UCKL1: variants seen among roughly 807,000 people sequenced by gnomAD.
UCKL1 encodes uridine-cytidine kinase 1 like 1, also known as uridine-cytidine kinase-like 1.
UCKL1 carries 65 observed loss-of-function variants against 59.2 expected under a neutral mutation model. The observed-to-expected ratio is 1.10, with a 90% CI of 0.90 to 1.35. UCKL1 has a LOEUF of 1.35. UCKL1 is among the 40% of genes most tolerant of loss of function. The pLI, the probability that UCKL1 is intolerant of heterozygous loss-of-function variation, is 0.00. For synonymous variants in UCKL1, 410 were observed against 323.1 expected, an observed-to-expected ratio of 1.27 and a Z score of -2.88; for missense variants, 703 against 784.3, an observed-to-expected ratio of 0.90 and a Z score of 1.24.
In UCKL1 at chr20:63,944,532, C is replaced by G. The variant is rs767138408; in HGVS notation, c.844+13G>C. On this transcript the variant is annotated intron_variant, in intron 6 of 14. Coordinates refer to ENST00000354216, the MANE Select transcript of UCKL1 (RefSeq NM_017859.4). The stretch of plus-strand genomic sequence containing the variant: ...GCCCGACACCCACCCAACAGGCAGC[C>G]CAGCAGGCTCACCTCTGGGGACCAC... 1.9e-6 allele frequency: 3 copies of G among 1,604,006 alleles called. No homozygotes were observed. Among genetic ancestry groups the G allele is most frequent in the Non-Finnish European group, 2.6e-6 (3 of 1,175,730 alleles).
At chr20:63,946,864 G>A (rs1263819829) in intron 1 of UCKL1, among the ~76,000 whole-genome samples, 2 of 151,978 alleles carry the variant, frequency 1.3e-5, no homozygotes, top group East Asian at 3.9e-4. Context: ...GATCATTTGA[G>A]GTCAGGAGTT....
intron 1 of UCKL1, among the ~76,000 whole-genome samples, chr20:63,947,348 G>A (rs1036111871): frequency 2.6e-5 from 4 of 152,230 alleles, no homozygotes; most frequent in Non-Finnish European, 4.4e-5. Context: ...AATGGACCAC[G>A]TTCCCTTGCA....
chr20:63,946,259 C>T lies in UCKL1; in HGVS notation c.313G>A (p.Gly105Ser). ...GTGGTCTTCCCAGAGGCACTGCCGC[C>T]TCCCAAGCCTGCCGGCGGGAGTGGA... Reference protein sequence around the residue: ...SKEAFAIGLGGGSASGKTTVA... With the variant: ...SKEAFAIGLGSGSASGKTTVA... Residue 105 changes from glycine to serine, a missense_variant, in exon 3 of 15, where the codon GGC (glycine) becomes AGC (serine). Gly to Ser is a moderately conservative substitution (Grantham distance 56). Coordinates refer to ENST00000354216, the MANE Select transcript of UCKL1 (RefSeq NM_017859.4). The T allele has an allele frequency of 6.3e-7, 1 of 1,593,222 alleles. No individual in the cohort carries two copies. The highest frequency in any genetic ancestry group is 8.5e-7 in the Non-Finnish European group (1 of 1,171,026).
intron 6 of UCKL1, 39 bp from the exon 7 acceptor site, chr20:63,944,497 C>T (rs2055597183): frequency 6.3e-7 from 1 of 1,584,566 alleles, no homozygotes; most frequent in South Asian, 1.1e-5. Flanking sequence ...GGGGGCTGGG[C>T]CGTTGGCCTG....
chr20:63,948,578 GA>G (rs376716231), intron 1 of UCKL1: 3,706 of 10,040 alleles, frequency 0.37, 235 homozygotes, highest in African/African-American at 0.4. Context: ...AGAGGGAGGG[GA>G]TGTGTGTGAG....
intron 1 of UCKL1, chr20:63,948,608 A>AGAGGGAGGGGCGTGTGT (rs1569122194): frequency 5.2e-4 from 38 of 73,632 alleles, no homozygotes; most frequent in African/African-American, 8.7e-4. Context: ...GGCGTGTGTG[A>AGAGGGAGGGGCGTGTGT]GAGGGAGGGG....
intron 1 of UCKL1, chr20:63,955,314 C>T (rs2058404364): frequency 6.6e-6 from 1 of 152,252 alleles, no homozygotes; most frequent in Non-Finnish European, 1.5e-5. Flanking sequence ...CTATTAGACT[C>T]CAGCCATGCA....
intron 5 of UCKL1, among the ~76,000 whole-genome samples, chr20:63,945,062 G>T (rs929088693): frequency 6.6e-6 from 1 of 152,234 alleles, no homozygotes; most frequent in Non-Finnish European, 1.5e-5. Context: ...GAATGGGGCT[G>T]GGCACATGTG....
At chr20:63,952,945 A>G (rs575904674) in intron 1 of UCKL1, among the ~76,000 whole-genome samples, 1 of 152,250 alleles carries the variant, frequency 6.6e-6, no homozygotes, top group African/African-American at 2.4e-5. Context: ...AACTGATGTC[A>G]TCGTCAAGAA....
In UCKL1 at chr20:63,940,401, T is replaced by G. The variant is rs1318331850; in HGVS notation, c.1387A>C (p.Met463Leu). ...ACCAGGAGCACGCGCACTGCCATCA[T>G]GGCCGCCGCGCCCGTGGACACGGTG... ...DCTVSTGAAA[M>L]MAVRVLLDHD... The change falls in exon 13 of 15, where the codon ATG becomes CTG. Residue 463 changes from methionine (M) to leucine (L), a missense_variant. Transcript: ENST00000354216. 5.0e-6 allele frequency: 8 copies of G among 1,611,720 alleles called. No homozygotes were observed. Among genetic ancestry groups the G allele is most frequent in the Admixed American group, 1.7e-5 (1 of 59,988 alleles).
At chr20:63,952,988 G>A (rs1486800298) in intron 1 of UCKL1, among the ~76,000 whole-genome samples, 1 of 152,260 alleles carries the variant, frequency 6.6e-6, no homozygotes, top group Non-Finnish European at 1.5e-5. Flanking sequence ...GGTGGCTCAC[G>A]CCTGTCATCC....
At position 63,940,427 on chromosome 20, in the gene UCKL1, C is replaced by G; in HGVS notation, c.1361G>C (p.Cys454Ser). ...GGCCGCCGCGCCCGTGGACACGGTG[C>G]AGTCCATGAGGATCACGTGGTCATC... is the stretch of plus-strand genomic sequence containing the variant. ...ISDDHVILMD[C>S]TVSTGAAAMM... is the part of the protein sequence containing the mutation. The change falls in exon 13 of 15, where the codon TGC (cysteine) becomes TCC (serine). Residue 454 changes from cysteine to serine, a missense_variant. This residue lies in a region of UCKL1 where 124 missense variants were observed against 161.1 expected (regional missense o/e 0.77). Transcript: ENST00000354216. 1 of 1,612,286 alleles carries G rather than the reference C, an allele frequency of 6.2e-7. No individual in the cohort carries two copies. The highest frequency in any genetic ancestry group is 8.5e-7 in the Non-Finnish European group (1 of 1,179,678).
In UCKL1 at chr20:63,940,274, CA is replaced by C. The variant is rs1261798547; in HGVS notation, c.1442del (p.Leu481CysfsTer21). 1.9e-6 allele frequency: 3 copies of C among 1,612,592 alleles called. No individual in the cohort carries two copies. Among genetic ancestry groups the C allele is most frequent in the Non-Finnish European group, 2.5e-6 (3 of 1,179,986 alleles). On this transcript the variant is annotated frameshift_variant, in exon 14 of 15. Transcript: ENST00000354216. LOFTEE classifies it high-confidence loss of function. ...CCATCTCTGCCATGAGCAGCGACAGCAAAAAGATCTTGTCCTCAGGCACGTC... is the reference window on the plus strand; with the variant it reads ...CCATCTCTGCCATGAGCAGCGACAGCAAAAGATCTTGTCCTCAGGCACGTC... ...DHDVPEDKIF[L>X]LSLLMAEMGV...
chr20:63,941,430 G>A (rs2054367298), intron 8 of UCKL1: 4 of 657,188 alleles, frequency 6.1e-6, no homozygotes, highest in Non-Finnish European at 7.9e-6. Flanking sequence ...AACGGGGCAA[G>A]CTCACCATCA....
chr20:63,941,586 A>T (rs1453533137), intron 8 of UCKL1: 2 of 253,290 alleles, frequency 7.9e-6, no homozygotes, highest in Non-Finnish European at 1.7e-5. Context: ...GCTTGTCCCC[A>T]GCCTCTCCCC....
Position 63,956,346 on chromosome 20 carries a change from G to C in UCKL1, c.27C>G (p.Asp9Glu), listed in dbSNP as rs774676829. MAAPPARA[D>E]ADPSPTSPPT... The stretch of plus-strand genomic sequence containing the variant: ...GTGGCGACGTGGGCGAAGGATCAGC[G>C]TCCGCGCGGGCCGGGGGCGCAGCCA... The change falls in exon 1 of 15, where the codon GAC (aspartate) becomes GAG (glutamate). Residue 9 changes from aspartate to glutamate, a missense_variant. Asp to Glu is a conservative substitution (Grantham distance 45). This residue lies in a region of UCKL1 where 398 missense variants were observed against 373.0 expected (regional missense o/e 1.07). Transcript: ENST00000354216. 1.4e-5 allele frequency: 21 copies of C among 1,545,020 alleles called. No homozygotes were observed. The South Asian group carries it at 2.5e-4, about 18-fold the overall frequency.
At chr20:63,955,361 C>T (rs1268251488) in intron 1 of UCKL1, 3 of 152,308 alleles carry the variant, frequency 2.0e-5, no homozygotes, top group African/African-American at 7.2e-5. Context: ...GGGTGTGGAC[C>T]TGAAGGGACG....
chr20:63,956,265 C>T lies in UCKL1; in HGVS notation c.108G>A (p.Glu36=). 2 of 1,543,454 alleles carry T rather than the reference C, an allele frequency of 1.3e-6. No homozygotes were observed. The change falls in exon 1 of 15, where the codon GAG becomes GAA. Residue 36 remains glutamate (E), a synonymous_variant. Transcript: ENST00000354216. ...RQAEKSETAC[E]DRSNAESLDR... ...GAGGCGAGGCCCACGCCTACCGGTCCTCGCACGCGGTCTCGCTTTTCTCAG... is the reference window on the plus strand; with the variant it reads ...GAGGCGAGGCCCACGCCTACCGGTCTTCGCACGCGGTCTCGCTTTTCTCAG...
intron 1 of UCKL1, among the ~76,000 whole-genome samples, chr20:63,947,691 C>G (rs2056617286): frequency 6.6e-6 from 1 of 152,274 alleles, no homozygotes; most frequent in Non-Finnish European, 1.5e-5. Flanking sequence ...GTCCCCAAGA[C>G]AGAAACCTCC....
Sources: gnomAD v4.1 joint callset for allele counts (sites outside exome capture counted in the v4.1 genomes callset) on GRCh38, gnomAD v4.1.1 for gene constraint, gnomAD v4.1.1 regional missense constraint, MANE v1.5 for transcripts, NCBI Gene and HGNC (gene_info 2026-07-23, HGNC 2026-07-21) for gene names.